Variants in EIF4E2 observed in about 807,000 individuals in gnomAD.
EIF4E2 encodes eukaryotic translation initiation factor 4E family member 2.
Under a neutral mutation model 34.2 loss-of-function variants are expected in EIF4E2, and 13 were observed. The observed-to-expected ratio is 0.38, with a 90% CI of 0.25 to 0.60. The LOEUF is 0.60. EIF4E2 is among the 20% of genes least tolerant of loss of function. The pLI, the probability that EIF4E2 is intolerant of heterozygous loss-of-function variation, is 0.62. For synonymous variants in EIF4E2, 100 were observed against 106.6 expected, an observed-to-expected ratio of 0.94 and a Z score of 0.38; for missense variants, 222 against 315.1, an observed-to-expected ratio of 0.70 and a Z score of 2.24.
intron 3 of EIF4E2, among the ~76,000 whole-genome samples, chr2:232,561,380 T>C (rs1692719776): frequency 6.6e-6 from 1 of 152,166 alleles, no homozygotes; most frequent in Non-Finnish European, 1.5e-5. Context: ...GGGTTTTTCT[T>C]TTGTTTCAGT....
downstream of EIF4E2, among the ~76,000 whole-genome samples, chr2:232,570,149 A>G (rs1693057670): frequency 6.6e-6 from 1 of 152,184 alleles, no homozygotes; most frequent in African/African-American, 2.4e-5. Flanking sequence ...CCACTTTGGC[A>G]GTGATACCCT....
At chr2:232,561,453 C>G (rs1024260594) in intron 3 of EIF4E2, among the ~76,000 whole-genome samples, 19 of 152,130 alleles carry the variant, frequency 1.2e-4, no homozygotes, top group African/African-American at 4.6e-4. Flanking sequence ...TCCATGCTCA[C>G]TGGATGTGTG....
At chr2:232,583,632 A>AT (rs1336149023) in exon 7 of EIF4E2, 4 of 152,230 alleles carry the variant, frequency 2.6e-5, no homozygotes, top group African/African-American at 7.2e-5. Context: ...TAAATTGAAA[A>AT]TATCAGCAAG....
At chr2:232,559,294 T>C (rs1274156630) in intron 3 of EIF4E2, among the ~76,000 whole-genome samples, 1 of 151,780 alleles carries the variant, frequency 6.6e-6, no homozygotes, top group Non-Finnish European at 1.5e-5. Context: ...AGTTTACCAG[T>C]TGGTTCTTTA....
At chr2:232,551,023 GC>G in intron 1 of EIF4E2, 1 of 618,120 alleles carries the variant, frequency 1.6e-6, no homozygotes, top group Non-Finnish European at 2.9e-6. Context: ...CGGACGCCCC[GC>G]CCTGGTGGAT....
chr2:232,576,764 T>C (rs953488365), intron 6 of EIF4E2, among the ~76,000 whole-genome samples: 1 of 152,222 alleles, frequency 6.6e-6, no homozygotes, highest in Non-Finnish European at 1.5e-5. Flanking sequence ...CGAGAAGATA[T>C]GCATCCCTGG....
At chr2:232,559,150 C>T in intron 3 of EIF4E2, among the ~76,000 whole-genome samples, 1 of 150,780 alleles carries the variant, frequency 6.6e-6, no homozygotes, top group Non-Finnish European at 1.5e-5. Context: ...TGCAGCGCAC[C>T]AGCATGGCAC....
chr2:232,550,736 G>C lies in EIF4E2; in HGVS notation c.12G>C (p.Lys4Asn). MNN[K>N]FDALKDDDSG... is the part of the protein sequence containing the mutation. Reference sequence around the variant, plus strand: ...GCGGCGGCGAGAGGATGAACAACAAGTTCGACGCGTGAGTGGCTCGTGGCC... The same window carrying C: ...GCGGCGGCGAGAGGATGAACAACAACTTCGACGCGTGAGTGGCTCGTGGCC... Residue 4 changes from lysine to asparagine, a missense_variant, in exon 1 of 7, where the codon AAG becomes AAC. Transcript: ENST00000258416. 6.3e-7 allele frequency: 1 copy of C among 1,585,736 alleles called. No individual in the cohort carries two copies. Among genetic ancestry groups the C allele is most frequent in the Non-Finnish European group, 8.6e-7 (1 of 1,167,832 alleles).
At position 232,569,123 on chromosome 2, in the gene EIF4E2, T is replaced by C. The variant is rs1693030830; in HGVS notation, c.*106T>C. Reference sequence around the variant, plus strand: ...ATCCTTCTGTCCTGGACAAGAGGAATTGGAAGAGCATTTTATGTTTTAAGA... The same window carrying C: ...ATCCTTCTGTCCTGGACAAGAGGAACTGGAAGAGCATTTTATGTTTTAAGA... On this transcript the variant is annotated 3_prime_UTR_variant, in exon 7 of 7. Coordinates refer to ENST00000258416, the MANE Select transcript of EIF4E2 (RefSeq NM_004846.4). 1.3e-6 allele frequency: 2 copies of C among 1,521,694 alleles called. No individual in the cohort carries two copies. The highest frequency in any genetic ancestry group is 1.8e-6 in the Non-Finnish European group (2 of 1,132,796). The allele number at this position is 1,521,694 out of a possible 1,614,324, so 94.3% of individuals were successfully genotyped here.
intron 6 of EIF4E2, chr2:232,568,353 A>G (rs1171414291): frequency 8.1e-6 from 8 of 985,294 alleles, no homozygotes; most frequent in African/African-American, 7.0e-5. Context: ...TCCATGATCA[A>G]ACGGCTGGCA....
At chr2:232,580,821 T>G in intron 6 of EIF4E2, 2 of 1,284,780 alleles carry the variant, frequency 1.6e-6, no homozygotes, top group Non-Finnish European at 2.1e-6. Flanking sequence ...GGCTGATGAG[T>G]CAGCATCCCC....
Position 232,569,140 on chromosome 2 carries a change from G to C in EIF4E2, c.*123G>C. On this transcript the variant is annotated 3_prime_UTR_variant, in exon 7 of 7. Transcript: ENST00000258416. The stretch of plus-strand genomic sequence containing the variant: ...AAGAGGAATTGGAAGAGCATTTTAT[G>C]TTTTAAGAACAGGCTGACACGCAGC... 1 of 1,499,516 alleles carries C rather than the reference G, an allele frequency of 6.7e-7. No homozygotes were observed. Among genetic ancestry groups the C allele is most frequent in the Non-Finnish European group, 8.9e-7 (1 of 1,123,766 alleles). The allele number at this position is 1,499,516 out of a possible 1,614,324, so 92.9% of individuals were successfully genotyped here.
At chr2:232,556,139 G>A (rs1574658484) in intron 1 of EIF4E2, among the ~76,000 whole-genome samples, 1 of 99,804 alleles carries the variant, frequency 1.0e-5, no homozygotes. Flanking sequence ...CCCTTAAACT[G>A]TATACCTTAA....
At chr2:232,574,023 CAG>C (rs1236496298), downstream of EIF4E2, 3 of 687,892 alleles carry the variant, frequency 4.4e-6, no homozygotes, top group Non-Finnish European at 8.2e-6. Flanking sequence ...CTTGAGGGAA[CAG>C]GGGCAGACTT....
intron 6 of EIF4E2, 81 bp downstream of exon 6, chr2:232,567,295 C>T: frequency 6.3e-7 from 1 of 1,583,122 alleles, no homozygotes. Context: ...AGGAATATGG[C>T]CGGACAGGAG....
intron 6 of EIF4E2, among the ~76,000 whole-genome samples, chr2:232,577,541 G>A (rs1426158968): frequency 6.6e-6 from 1 of 152,160 alleles, no homozygotes; most frequent in Non-Finnish European, 1.5e-5. Context: ...GTTGGAACTT[G>A]TCCATTTCTC....
At chr2:232,574,103 A>G, downstream of EIF4E2, 2 of 776,304 alleles carry the variant, frequency 2.6e-6, no homozygotes. Context: ...CTCGGAAAGG[A>G]AAGTCCAGTG....
chr2:232,567,381 G>A (rs1007360610), intron 6 of EIF4E2, 167 bp downstream of exon 6: 27 of 1,428,792 alleles, frequency 1.9e-5, no homozygotes, highest in African/African-American at 1.6e-4. Flanking sequence ...CTTTGTCAGC[G>A]AGGCTCCCTG....
intron 6 of EIF4E2, among the ~76,000 whole-genome samples, chr2:232,579,823 C>T (rs1307640911): frequency 6.6e-6 from 1 of 152,038 alleles, no homozygotes; most frequent in Non-Finnish European, 1.5e-5. Context: ...TAGAATGTCC[C>T]TTTAAAATCA....
Sources: gnomAD v4.1 joint callset for allele counts (sites outside exome capture counted in the v4.1 genomes callset) on GRCh38, gnomAD v4.1.1 for gene constraint, MANE v1.5 for transcripts, NCBI Gene and HGNC (gene_info 2026-07-23, HGNC 2026-07-21) for gene names.